Variants in SUPT5H observed in about 807,000 individuals in gnomAD.
SUPT5H encodes the protein SPT5 homolog, DSIF elongation factor subunit.
A neutral mutation model predicts 142.5 loss-of-function variants in SUPT5H; 24 were observed. The observed-to-expected ratio is 0.17, with a 90% confidence interval of 0.12 to 0.24. The LOEUF (loss-of-function observed/expected upper bound fraction) is 0.24. SUPT5H is among the 10% of genes least tolerant of loss of function. The pLI, the probability that SUPT5H is intolerant of heterozygous loss-of-function variation, is 1.00. For missense variants in SUPT5H, 893 were observed against 1,471.8 expected (o/e 0.61, Z 6.43); for synonymous variants, 546 against 553.0 (o/e 0.99, Z 0.18).
At chr19:39,461,838 AAAT>A (rs1206908906) in intron 10 of SUPT5H, among the ~76,000 whole-genome samples, 83 of 138,434 alleles carry the variant, frequency 6.0e-4, no homozygotes, top group African/African-American at 1.7e-3. Context: ...AAAAAAAAAA[AAAT>A]AATAATAATA....
In SUPT5H at chr19:39,476,476, A is replaced by C; in HGVS notation, c.*77A>C. Reference sequence around the variant, plus strand: ...CCCTGGCCCTTGGCTGTGACACAAGATCCTCCTGCAGGGCTAGGCGGATTG... The same window carrying C: ...CCCTGGCCCTTGGCTGTGACACAAGCTCCTCCTGCAGGGCTAGGCGGATTG... On this transcript the variant is annotated 3_prime_UTR_variant, in exon 30 of 30. Transcript: ENST00000432763. 6.4e-7 allele frequency: 1 copy of C among 1,567,558 alleles called. No individual in the cohort carries two copies. Among genetic ancestry groups the C allele is most frequent in the Middle Eastern group, 1.7e-4 (1 of 5,884 alleles).
rs2079115113 is a variant in SUPT5H at position 39,458,163 on chromosome 19, C to T, written c.308-131C>T. The T allele has an allele frequency of 4.2e-6, 6 of 1,442,216 alleles. No individual in the cohort carries two copies. The highest frequency in any genetic ancestry group is 4.6e-6 in the Non-Finnish European group (5 of 1,085,376). The allele number at this position is 1,442,216 out of a possible 1,614,324, so 89.3% of individuals were successfully genotyped here. A position where few individuals can be genotyped will look rare whatever the true frequency, so the allele number is the denominator to read the frequency against. ...GGTTTTCAACCTTTCTGTGTCCCTC[C>T]CTTCCCCTCCCCCAACCCATTGGTT... On this transcript the variant is annotated intron_variant, in intron 4 of 29. Transcript: ENST00000432763. The surrounding 1 kb of genome is among the most constrained non-coding windows in gnomAD (Gnocchi z 4.2).
At chr19:39,459,764 C>A in intron 9 of SUPT5H, 128 bp from the exon 10 acceptor site, 1 of 1,294,200 alleles carries the variant, frequency 7.7e-7, no homozygotes. Context: ...ATCTTCCTGG[C>A]TGTCCATCCT....
chr19:39,447,006 T>A (rs1022114619), intron 2 of SUPT5H, among the ~76,000 whole-genome samples: 1 of 152,094 alleles, frequency 6.6e-6, no homozygotes, highest in African/African-American at 2.4e-5. Context: ...GACTCCGTCT[T>A]ATAAAAATAT....
chr19:39,453,618 G>A (rs977862840), intron 3 of SUPT5H, 97 bp downstream of exon 3: 13 of 1,380,954 alleles, frequency 9.4e-6, no homozygotes, highest in Admixed American at 5.6e-5. Flanking sequence ...TCGCTCTGTC[G>A]CCCAGGCTGG....
intron 11 of SUPT5H, among the ~76,000 whole-genome samples, chr19:39,465,845 T>C (rs1245550705): frequency 6.6e-6 from 1 of 152,220 alleles, no homozygotes; most frequent in Non-Finnish European, 1.5e-5. Context: ...CTAATACACG[T>C]TGAGTGTCTC....
chr19:39,468,879 G>A lies in SUPT5H; in HGVS notation c.1143+18G>A, dbSNP rs2304218. 3 of 1,612,716 alleles carry A rather than the reference G, an allele frequency of 1.9e-6. No homozygotes were observed. The South Asian group carries it at 3.3e-5, about 18-fold the overall frequency. ...CTGCTGTGGTGAGGGTCCCAGAGGG[G>A]TGTTGGTAATGGGGGTGGTGTGAGT... On this transcript the variant is annotated intron_variant, in intron 14 of 29. Transcript: ENST00000432763.
rs1231780695 is a variant in SUPT5H at position 39,473,904 on chromosome 19, C to T, written c.2493-59C>T. 6.2e-7 allele frequency: 1 copy of T among 1,610,012 alleles called. No individual in the cohort carries two copies. Among genetic ancestry groups the T allele is most frequent in the Non-Finnish European group, 8.5e-7 (1 of 1,176,914 alleles). Reference sequence around the variant, plus strand: ...TGGGGGTCTGGTGTAGGGTGCTGTTCTGGAAGCATCCATCGCATTATCACC... The same window carrying T: ...TGGGGGTCTGGTGTAGGGTGCTGTTTTGGAAGCATCCATCGCATTATCACC... On this transcript the variant is annotated intron_variant, in intron 25 of 29. Transcript: ENST00000432763. This position sits in a 1 kb window ranked among gnomAD's most constrained non-coding sequence, Gnocchi z 5.8.
In SUPT5H at chr19:39,471,324, C is replaced by A. The variant is rs530571842; in HGVS notation, c.1678-33C>A. 5.1e-5 allele frequency: 83 copies of A among 1,613,834 alleles called. No individual in the cohort carries two copies. In the South Asian group the frequency reaches 8.6e-4, roughly 17 times the overall value. On this transcript the variant is annotated intron_variant, in intron 18 of 29. Transcript: ENST00000432763. The stretch of plus-strand genomic sequence containing the variant: ...GCCCCGTGTCTCCCCTTCCCATTCT[C>A]ACCCCCACAGCCTCCCTGCTCTCCC...
intron 10 of SUPT5H, among the ~76,000 whole-genome samples, chr19:39,464,503 G>T (rs1378522047): frequency 1.3e-5 from 2 of 152,184 alleles, no homozygotes; most frequent in African/African-American, 4.8e-5. Flanking sequence ...GGGACTACAG[G>T]CATGTGCCAT....
At chr19:39,464,416 G>A (rs2079207742) in intron 10 of SUPT5H, among the ~76,000 whole-genome samples, 1 of 150,566 alleles carries the variant, frequency 6.6e-6, no homozygotes, top group Non-Finnish European at 1.5e-5. Flanking sequence ...CTGGAGTGCA[G>A]TGGTGCGATC....
chr19:39,469,722 G>A lies in SUPT5H; in HGVS notation c.1374+324G>A, dbSNP rs1408192889. The A allele has an allele frequency of 1.2e-5, 6 of 502,270 alleles. No individual in the cohort carries two copies. The highest frequency in any genetic ancestry group is 7.3e-5 in the East Asian group (2 of 27,404). The allele number at this position is 502,270 out of a possible 1,614,324, so 31.1% of individuals were successfully genotyped here. Reference sequence around the variant, plus strand: ...AGGCTTGACTTTGTTTGCTTAGAGCGGGGTGTGTGTTTGTCTGTGTCTGGT... The same window carrying A: ...AGGCTTGACTTTGTTTGCTTAGAGCAGGGTGTGTGTTTGTCTGTGTCTGGT... On this transcript the variant is annotated intron_variant, in intron 16 of 29. Coordinates refer to ENST00000432763, the MANE Select transcript of SUPT5H (RefSeq NM_001111020.3). This position sits in a 1 kb window ranked among gnomAD's most constrained non-coding sequence, Gnocchi z 5.1.
In SUPT5H at chr19:39,469,439, G is replaced by A. The variant is rs1378922669; in HGVS notation, c.1374+41G>A. The A allele has an allele frequency of 6.2e-7, 1 of 1,613,724 alleles. No homozygotes were observed. The highest frequency in any genetic ancestry group is 2.2e-5 in the East Asian group (1 of 44,876). The stretch of plus-strand genomic sequence containing the variant: ...TCTCGGGCAGGGGTTGGAGTGTTCA[G>A]GCACATCTGACTGTATGTGGCTGTC... On this transcript the variant is annotated intron_variant, in intron 16 of 29. Transcript: ENST00000432763. This position sits in a 1 kb window ranked among gnomAD's most constrained non-coding sequence, Gnocchi z 5.1.
At chr19:39,446,965 G>A (rs563912354) in intron 2 of SUPT5H, among the ~76,000 whole-genome samples, 3 of 152,286 alleles carry the variant, frequency 2.0e-5, no homozygotes, top group Non-Finnish European at 2.9e-5. Flanking sequence ...CTGAGATCGC[G>A]CCACTGCACT....
At chr19:39,462,031 C>G (rs930409463) in intron 10 of SUPT5H, among the ~76,000 whole-genome samples, 1 of 151,656 alleles carries the variant, frequency 6.6e-6, no homozygotes, top group African/African-American at 2.4e-5. Context: ...CCTCAGCCTC[C>G]CGAGTAGCTG....
At chr19:39,450,843 CTG>C (rs1185530361) in intron 2 of SUPT5H, among the ~76,000 whole-genome samples, 1 of 152,182 alleles carries the variant, frequency 6.6e-6, no homozygotes, top group Admixed American at 6.5e-5. Context: ...TTGAACGCCT[CTG>C]GGTGGGAGAA....
chr19:39,458,652 G>A lies in SUPT5H; in HGVS notation c.320-166G>A. 1 of 740,422 alleles carries A rather than the reference G, an allele frequency of 1.4e-6. No individual in the cohort carries two copies. The highest frequency in any genetic ancestry group is 2.2e-6 in the Non-Finnish European group (1 of 458,458). 45.9% of individuals were successfully genotyped at this position (740,422 alleles called of 1,614,324 possible). A position where few individuals can be genotyped will look rare whatever the true frequency, so the allele number is the denominator to read the frequency against. On this transcript the variant is annotated intron_variant, in intron 5 of 29. Transcript: ENST00000432763. The surrounding 1 kb of genome is among the most constrained non-coding windows in gnomAD (Gnocchi z 4.2). Reference sequence around the variant, plus strand: ...CAGTCTTTTTGACAAGAAGCAGGATGCTGAGTAGGACAGAGTAGGGGATGA... The same window carrying A: ...CAGTCTTTTTGACAAGAAGCAGGATACTGAGTAGGACAGAGTAGGGGATGA...
At chr19:39,465,555 G>A (rs929264884) in intron 11 of SUPT5H, among the ~76,000 whole-genome samples, 22 of 152,178 alleles carry the variant, frequency 1.4e-4, no homozygotes, top group African/African-American at 4.8e-4. Flanking sequence ...ATTTGGTAAC[G>A]TCTGGAGACA....
In SUPT5H at chr19:39,474,377, C is replaced by T; in HGVS notation, c.2795C>T (p.Pro932Leu). ...QNTHSPASYHPTPSPMAYQAS... is the reference protein window; with the variant it reads ...QNTHSPASYHLTPSPMAYQAS... ...ACCCACTCCCCAGCCAGCTACCACC[C>T]TACACCGTCGCCCATGGCCTATCAG... Residue 932 changes from proline to leucine, a missense_variant, in exon 27 of 30, where the codon CCT becomes CTT. Transcript: ENST00000432763. This position sits in a 1 kb window ranked among gnomAD's most constrained non-coding sequence, Gnocchi z 6.5. 6.2e-7 allele frequency: 1 copy of T among 1,614,148 alleles called. No individual in the cohort carries two copies.
Sources: gnomAD v4.1 joint callset for allele counts (sites outside exome capture counted in the v4.1 genomes callset) on GRCh38, gnomAD v4.1.1 for gene constraint, Gnocchi (gnomAD v3.1) non-coding constraint, MANE v1.5 for transcripts, NCBI Gene and HGNC (gene_info 2026-07-23, HGNC 2026-07-21) for gene names.